PODXL2: variants seen among roughly 807,000 people sequenced by gnomAD.
PODXL2 encodes the protein podocalyxin-like protein 2.
A neutral mutation model predicts 53.4 loss-of-function variants in PODXL2; 17 were observed. That is an observed-to-expected ratio of 0.32 (90% CI 0.22 to 0.48). The LOEUF is 0.48. Ranked by LOEUF, PODXL2 falls within the 20% of genes least tolerant of loss-of-function variation. PODXL2 has a pLI of 0.99. For synonymous variants in PODXL2, 311 were observed against 306.7 expected, an observed-to-expected ratio of 1.01 and a Z score of -0.15; for missense variants, 673 against 760.0, an observed-to-expected ratio of 0.89 and a Z score of 1.35.
intron 2 of PODXL2, among the ~76,000 whole-genome samples, chr3:127,639,745 C>A (rs1213597789): frequency 6.6e-6 from 1 of 152,200 alleles, no homozygotes; most frequent in Non-Finnish European, 1.5e-5. Flanking sequence ...GTTTAGGGAG[C>A]CTTTATTCTG....
chr3:127,661,039 C>T lies in PODXL2; in HGVS notation c.1011C>T (p.Ala337=), dbSNP rs775078401. 1 of 1,614,102 alleles carries T rather than the reference C, an allele frequency of 6.2e-7. No individual in the cohort carries two copies. The highest frequency in any genetic ancestry group is 1.3e-5 in the African/African-American group (1 of 74,946). The change falls in exon 3 of 8, where the codon GCC becomes GCT. Residue 337 remains alanine, a synonymous_variant. Transcript: ENST00000342480. Reference sequence around the variant, plus strand: ...GAACCTCAGCCTCTTCCCCACTGGCCCCTGGAGACATGGAACTGACACCTT... The same window carrying T: ...GAACCTCAGCCTCTTCCCCACTGGCTCCTGGAGACATGGAACTGACACCTT... ...GSRTSASSPL[A]PGDMELTPSS...
intron 1 of PODXL2, among the ~76,000 whole-genome samples, chr3:127,632,145 T>C (rs1163640852): frequency 1.3e-5 from 2 of 152,190 alleles, no homozygotes; most frequent in Non-Finnish European, 2.9e-5. Context: ...AGAAAGTGTT[T>C]TATCCCCCAG....
At chr3:127,641,464 C>G in intron 2 of PODXL2, among the ~76,000 whole-genome samples, 1 of 152,012 alleles carries the variant, frequency 6.6e-6, no homozygotes, top group East Asian at 1.9e-4. Flanking sequence ...CTCCCTTGGC[C>G]TCCCAAAGTG....
rs764073288 is a variant in PODXL2 at position 127,660,639 on chromosome 3, G to C, written c.611G>C (p.Arg204Pro). Residue 204 changes from arginine to proline, a missense_variant, in exon 3 of 8, where the codon CGT becomes CCT. By Grantham distance (103) the Arg-to-Pro change is moderately radical (BLOSUM62 -2). Around this residue, in one of 3 missense-constraint regions of PODXL2, gnomAD observed 588 missense variants for 668.3 expected, o/e 0.88. Transcript: ENST00000342480. The part of the protein sequence containing the change: ...GSQEEAKPQV[R>P]DFSLTSSSQT... ...CAAGAAGAAGCCAAGCCTCAGGTCC[G>C]TGACTTTTCTCTCACCAGCAGCAGC... 6.2e-7 allele frequency: 1 copy of C among 1,614,200 alleles called. No homozygotes were observed. Among genetic ancestry groups the C allele is most frequent in the East Asian group, 2.2e-5 (1 of 44,890 alleles).
At chr3:127,631,718 CATCTT>C (rs1449954414) in intron 1 of PODXL2, among the ~76,000 whole-genome samples, 8 of 152,286 alleles carry the variant, frequency 5.3e-5, no homozygotes, top group African/African-American at 1.2e-4. Flanking sequence ...ATTTTGGTGT[CATCTT>C]ATGGTGGGCA....
intron 2 of PODXL2, among the ~76,000 whole-genome samples, chr3:127,650,460 G>A (rs531118560): frequency 5.9e-5 from 9 of 152,314 alleles, no homozygotes; most frequent in Admixed American, 4.6e-4. Flanking sequence ...ATCACAGGGG[G>A]CGCGGGAGAG....
Position 127,661,178 on chromosome 3 carries a change from G to C in PODXL2, c.1131+19G>C, listed in dbSNP as rs369554526. ...TACGCAGGTAAAGTGAGGGGCATGC[G>C]GGCCACCACCCTGTACCTTCTTCAC... is the stretch of plus-strand genomic sequence containing the variant. On this transcript the variant is annotated intron_variant, in intron 3 of 7. Transcript: ENST00000342480. The C allele has an allele frequency of 6.3e-7, 1 of 1,582,494 alleles. No individual in the cohort carries two copies. The highest frequency in any genetic ancestry group is 1.7e-5 in the Admixed American group (1 of 59,650).
chr3:127,639,701 C>T (rs568950503), intron 2 of PODXL2, among the ~76,000 whole-genome samples, 178 bp downstream of exon 2: 1 of 152,332 alleles, frequency 6.6e-6, no homozygotes, highest in East Asian at 1.9e-4. Context: ...GTCTCACAGG[C>T]CCAGGAGGCC....
At chr3:127,633,084 A>T (rs1291919351) in intron 1 of PODXL2, among the ~76,000 whole-genome samples, 2 of 152,260 alleles carry the variant, frequency 1.3e-5, no homozygotes, top group East Asian at 3.8e-4. Flanking sequence ...CTTGCTTGTG[A>T]AACATTGGGA....
At chr3:127,645,764 C>T (rs2074648291) in intron 2 of PODXL2, among the ~76,000 whole-genome samples, 1 of 152,244 alleles carries the variant, frequency 6.6e-6, no homozygotes, top group Non-Finnish European at 1.5e-5. Flanking sequence ...AGCGAATAGT[C>T]AGGCTGGTGT....
At chr3:127,669,085 G>A (rs2074814062) in intron 5 of PODXL2, 56 bp from the exon 6 acceptor site, 1 of 1,242,454 alleles carries the variant, frequency 8.0e-7, no homozygotes, top group East Asian at 2.5e-5. Flanking sequence ...AGAGCCCTTG[G>A]AGGGGCACGC....
chr3:127,658,750 A>G (rs2107542014), intron 2 of PODXL2, among the ~76,000 whole-genome samples: 1 of 152,336 alleles, frequency 6.6e-6, no homozygotes, highest in Non-Finnish European at 1.5e-5. Flanking sequence ...CATGAGAATG[A>G]GGCTAGGTGT....
In PODXL2 at chr3:127,632,951, T is replaced by C. The variant is rs181842332; in HGVS notation, c.70+3662T>C. Among the ~76,000 whole-genome samples the C allele has an allele frequency of 3.1e-3, 477 of 152,348 alleles. 4 individuals are homozygous for C. The highest frequency in any genetic ancestry group is 0.02 in the Middle Eastern group (6 of 294). Reference sequence around the variant, plus strand: ...CAATTATAATTGGATCACATCTGATTGGCAGTACTACATGATTCTGATTCA... The same window carrying C: ...CAATTATAATTGGATCACATCTGATCGGCAGTACTACATGATTCTGATTCA... On this transcript the variant is annotated intron_variant, in intron 1 of 7. Transcript: ENST00000342480.
chr3:127,630,934 C>T (rs78031583), intron 1 of PODXL2, among the ~76,000 whole-genome samples: 21,124 of 152,274 alleles, frequency 0.14, 2,043 homozygotes, highest in Non-Finnish European at 0.2. Context: ...GGACCCAGGC[C>T]CAGCTGTAAC....
intron 5 of PODXL2, 27 bp from the exon 6 acceptor site, chr3:127,669,114 C>T (rs2074814450): frequency 6.4e-7 from 1 of 1,557,146 alleles, no homozygotes; most frequent in South Asian, 1.1e-5. Flanking sequence ...CATGGTCACA[C>T]TGATAGTGGT....
chr3:127,657,786 T>C (rs1236293250), intron 2 of PODXL2, among the ~76,000 whole-genome samples: 1 of 152,252 alleles, frequency 6.6e-6, no homozygotes, highest in Non-Finnish European at 1.5e-5. Flanking sequence ...ATTTCAGTTA[T>C]GTTTTCATGC....
chr3:127,640,076 T>G (rs1345523592), intron 2 of PODXL2, among the ~76,000 whole-genome samples: 1 of 152,212 alleles, frequency 6.6e-6, no homozygotes, highest in Non-Finnish European at 1.5e-5. Context: ...GAGCTGGTGT[T>G]TGGATCTACA....
chr3:127,669,046 G>A (rs1400878465), intron 5 of PODXL2, 95 bp from the exon 6 acceptor site: 2 of 742,956 alleles, frequency 2.7e-6, no homozygotes, highest in Admixed American at 3.1e-5. Flanking sequence ...GGAGACAGAG[G>A]CTCAGGCCAG....
At chr3:127,636,204 G>A (rs917782710) in intron 1 of PODXL2, among the ~76,000 whole-genome samples, 1 of 152,206 alleles carries the variant, frequency 6.6e-6, no homozygotes, top group Non-Finnish European at 1.5e-5. Flanking sequence ...GGGAGTCATT[G>A]GATAACCCCT....
Sources: gnomAD v4.1 joint callset for allele counts (sites outside exome capture counted in the v4.1 genomes callset) on GRCh38, gnomAD v4.1.1 for gene constraint, gnomAD v4.1.1 regional missense constraint, MANE v1.5 for transcripts, NCBI Gene and HGNC (gene_info 2026-07-23, HGNC 2026-07-21) for gene names.